The following MTMR8 variants were observed in gnomAD, a reference collection of about 807,000 sequenced individuals.
MTMR8 encodes phosphatidylinositol-3,5-bisphosphate 3-phosphatase MTMR8.
Under a neutral mutation model 39.3 loss-of-function variants are expected in MTMR8, and 65 were observed. That is an observed-to-expected ratio of 1.65 (90% CI 1.35 to 2.03). The LOEUF (loss-of-function observed/expected upper bound fraction) is 2.03. MTMR8 is among the 30% of genes most tolerant of loss of function. The probability of loss-of-function intolerance (pLI) is 0.00; values close to 1 mark genes in which losing one functional copy is unlikely to be tolerated. For synonymous variants in MTMR8, 245 were observed against 185.2 expected (o/e 1.32, Z -2.62); for missense variants, 777 against 538.9 (o/e 1.44, Z -4.37).
rs200338380 is a variant in MTMR8 at position 64,348,840 on chromosome X, G to C, written c.598-46C>G. 117 of 1,193,345 alleles carry C rather than the reference G, an allele frequency of 9.8e-5. 1 individual carries two copies. The highest frequency in any genetic ancestry group is 1.3e-4 in the Non-Finnish European group (115 of 882,983). On this transcript the variant is annotated intron_variant, in intron 5 of 13. Transcript: ENST00000374852. The stretch of plus-strand genomic sequence containing the variant: ...AGTTGAGTGATTATATTCACAAATG[G>C]TCAAAAATCTTTCTTGACCCTTGCC...
chrX:64,385,114 C>T (rs756436414), intron 1 of MTMR8, among the ~76,000 whole-genome samples: 2 of 112,122 alleles, frequency 1.8e-5, no homozygotes, highest in South Asian at 3.8e-4. Flanking sequence ...ATGCCAGATA[C>T]ACTAAATCAT....
chrX:64,289,395 C>A (rs750075809), intron 12 of MTMR8, among the ~76,000 whole-genome samples: 1 of 110,417 alleles, frequency 9.1e-6, no homozygotes, highest in East Asian at 2.8e-4. Flanking sequence ...ACAGATTTAA[C>A]ATATAATCCA....
chrX:64,287,195 GA>G (rs1162284581), intron 12 of MTMR8, among the ~76,000 whole-genome samples: 18 of 111,417 alleles, frequency 1.6e-4, no homozygotes, highest in African/African-American at 5.9e-4. Flanking sequence ...GCCAAATCAT[GA>G]GTGAACTCCC....
intron 1 of MTMR8, among the ~76,000 whole-genome samples, chrX:64,391,976 G>A (rs914154727): frequency 5.4e-5 from 6 of 111,964 alleles, no homozygotes; most frequent in African/African-American, 1.9e-4. Flanking sequence ...GGAAAGAAAA[G>A]TAATTAAGAA....
intron 12 of MTMR8, among the ~76,000 whole-genome samples, chrX:64,312,927 G>A (rs1184595033): frequency 1.8e-5 from 2 of 112,428 alleles, no homozygotes; most frequent in East Asian, 2.8e-4. Context: ...AAAATATTTA[G>A]TAAACCATGC....
At chrX:64,277,599 A>T (rs1329278873) in intron 12 of MTMR8, among the ~76,000 whole-genome samples, 1 of 112,272 alleles carries the variant, frequency 8.9e-6, no homozygotes, top group Non-Finnish European at 1.9e-5. Flanking sequence ...GGGTTTCTGC[A>T]GAGAGATCTG....
intron 12 of MTMR8, among the ~76,000 whole-genome samples, chrX:64,312,035 G>T (rs889577048): frequency 9.9e-5 from 11 of 110,955 alleles, no homozygotes; most frequent in African/African-American, 3.6e-4. Flanking sequence ...TTCCAATTCT[G>T]TGAAGGAAGT....
intron 12 of MTMR8, among the ~76,000 whole-genome samples, chrX:64,303,651 C>A (rs1921980052): frequency 8.9e-6 from 1 of 112,238 alleles, no homozygotes; most frequent in African/African-American, 3.2e-5. Context: ...CTGTACATAA[C>A]CTCAAAACTG....
rs766873648 is a variant in MTMR8 at position 64,319,155 on chromosome X, G to T, written c.1481+9617C>A. Among the ~76,000 whole-genome samples, 18 of 112,461 alleles carry T rather than the reference G, an allele frequency of 1.6e-4. 1 individual carries two copies. In the South Asian group the frequency reaches 6.3e-3, roughly 39 times the overall value. On this transcript the variant is annotated intron_variant, in intron 12 of 13. Coordinates refer to ENST00000374852, the MANE Select transcript of MTMR8 (RefSeq NM_017677.4). ...TATCATTGGTGATATCACCAAAAAT[G>T]GTGGAGTAGGGAACTCCGTACCTCC...
In MTMR8 at chrX:64,331,183, G is replaced by C. The variant is rs145799101; in HGVS notation, c.1352+374C>G. Among the ~76,000 whole-genome samples the C allele has an allele frequency of 1.2e-3, 137 of 111,972 alleles. 1 individual carries two copies. The highest frequency in any genetic ancestry group is 4.2e-3 in the African/African-American group (129 of 30,847). On this transcript the variant is annotated intron_variant, in intron 11 of 13. Coordinates refer to ENST00000374852, the MANE Select transcript of MTMR8 (RefSeq NM_017677.4). Reference sequence around the variant, plus strand: ...TCCACAGATTAAACAAACCACGCCTGTTGGGTTGGGTTCGGCCTATGAGCT... The same window carrying C: ...TCCACAGATTAAACAAACCACGCCTCTTGGGTTGGGTTCGGCCTATGAGCT...
At chrX:64,286,146 C>A (rs1198676931) in intron 12 of MTMR8, among the ~76,000 whole-genome samples, 7 of 111,867 alleles carry the variant, frequency 6.3e-5, no homozygotes, top group Admixed American at 4.7e-4. Context: ...AAGGGGATGT[C>A]ACCACTGTTC....
chrX:64,350,952 C>G (rs1452533774), intron 4 of MTMR8, among the ~76,000 whole-genome samples: 1 of 110,826 alleles, frequency 9.0e-6, no homozygotes, highest in Non-Finnish European at 1.9e-5. Context: ...ACTGAACAGG[C>G]AAAAATAAAA....
rs1046823417 is a variant in MTMR8, at chrX:64,306,889, G to A, written c.1481+21883C>T. Among the ~76,000 whole-genome samples the A allele has an allele frequency of 4.5e-5, 5 of 110,833 alleles. No homozygotes were observed. The Admixed American group carries it at 4.8e-4, about 11-fold the overall frequency. On this transcript the variant is annotated intron_variant, in intron 12 of 13. Transcript: ENST00000374852. ...TTCCTCCTCCTCAACTGCCTCAGCT[G>A]AGGCCTTCTCCTCTCCCTGTACAAC...
intron 12 of MTMR8, among the ~76,000 whole-genome samples, chrX:64,284,967 C>T (rs975538788): frequency 8.9e-6 from 1 of 111,994 alleles, no homozygotes; most frequent in African/African-American, 3.2e-5. Flanking sequence ...CAAATTCACA[C>T]ATAGCAATAT....
intron 2 of MTMR8, among the ~76,000 whole-genome samples, chrX:64,357,984 A>T (rs1487612656): frequency 9.0e-6 from 1 of 111,314 alleles, no homozygotes; most frequent in African/African-American, 3.3e-5. Flanking sequence ...GCCTCCTTTG[A>T]CATGCAGAAA....
intron 12 of MTMR8, among the ~76,000 whole-genome samples, chrX:64,327,003 C>T (rs1223110034): frequency 9.0e-6 from 1 of 110,784 alleles, no homozygotes; most frequent in Non-Finnish European, 1.9e-5. Flanking sequence ...GAACTAGGTA[C>T]ATATCTCTCA....
At chrX:64,348,270 A>T (rs939941784) in intron 6 of MTMR8, among the ~76,000 whole-genome samples, 1 of 111,324 alleles carries the variant, frequency 9.0e-6, no homozygotes, top group African/African-American at 3.3e-5. Flanking sequence ...AAAAAAAAAA[A>T]ACATGTTGGT....
intron 5 of MTMR8, 31 bp from the exon 6 acceptor site, chrX:64,348,825 T>C (rs1219834984): frequency 8.3e-7 from 1 of 1,204,646 alleles, no homozygotes; most frequent in Non-Finnish European, 1.1e-6. Context: ...AGTTGAGTGA[T>C]TATATTCACA....
intron 1 of MTMR8, among the ~76,000 whole-genome samples, chrX:64,367,720 C>G (rs938826495): frequency 8.9e-6 from 1 of 112,030 alleles, no homozygotes; most frequent in African/African-American, 3.2e-5. Flanking sequence ...TGCCCTCTCT[C>G]ACCACTCCTA....
Sources: allele counts gnomAD v4.1 joint callset (sites outside exome capture counted in the v4.1 genomes callset), GRCh38; gene constraint gnomAD v4.1.1; transcripts MANE v1.5; gene names NCBI Gene and HGNC (gene_info 2026-07-23, HGNC 2026-07-21).